Variants in IPO11 observed in about 807,000 individuals in gnomAD.
IPO11 encodes the protein importin 11.
In IPO11, 66 loss-of-function variants were observed where a neutral mutation model predicts 143.2. That is an observed-to-expected ratio of 0.46 (90% confidence interval 0.38 to 0.57). The LOEUF is 0.57. Ranked by LOEUF, IPO11 falls within the 20% of genes least tolerant of loss-of-function variation. The pLI, the probability that IPO11 is intolerant of heterozygous loss-of-function variation, is 0.00. For missense variants in IPO11, 1,026 were observed against 1,141.0 expected, an observed-to-expected ratio of 0.90 and a Z score of 1.45; for synonymous variants, 385 against 377.8, an observed-to-expected ratio of 1.02 and a Z score of -0.22.
chr5:62,454,155 A>C (rs1258939537), intron 5 of IPO11, among the ~76,000 whole-genome samples: 1 of 151,592 alleles, frequency 6.6e-6, no homozygotes, highest in Non-Finnish European at 1.5e-5. Flanking sequence ...TAAATAAATA[A>C]ATAGCCAGTC....
At chr5:62,622,754 C>G (rs1378477090) in intron 29 of IPO11, among the ~76,000 whole-genome samples, 3 of 152,120 alleles carry the variant, frequency 2.0e-5, no homozygotes, top group East Asian at 3.8e-4. Context: ...GTCAGGAAAC[C>G]TAGCTTACAA....
intron 27 of IPO11, among the ~76,000 whole-genome samples, chr5:62,587,226 G>A (rs1744828790): frequency 6.6e-6 from 1 of 152,020 alleles, no homozygotes; most frequent in South Asian, 2.1e-4. Flanking sequence ...AGGTAAGCAG[G>A]GGAATGGTTT....
chr5:62,416,088 T>C (rs1743285041), intron 1 of IPO11, among the ~76,000 whole-genome samples: 1 of 152,142 alleles, frequency 6.6e-6, no homozygotes, highest in Non-Finnish European at 1.5e-5. Flanking sequence ...ATCCTTGGCT[T>C]GCAGATGGCC....
intron 2 of IPO11, among the ~76,000 whole-genome samples, chr5:62,440,438 T>G (rs931170427): frequency 2.6e-5 from 4 of 151,004 alleles, no homozygotes; most frequent in African/African-American, 9.7e-5. Flanking sequence ...CACTGCAACT[T>G]CTGCCTCCTG....
chr5:62,558,886 A>G (rs1168664512), intron 26 of IPO11, among the ~76,000 whole-genome samples: 1 of 152,230 alleles, frequency 6.6e-6, no homozygotes, highest in African/African-American at 2.4e-5. Flanking sequence ...CCAGACTACC[A>G]CAATAAAGTG....
chr5:62,450,728 T>G (rs2112159912), intron 4 of IPO11, among the ~76,000 whole-genome samples: 1 of 152,200 alleles, frequency 6.6e-6, no homozygotes, highest in Middle Eastern at 3.4e-3. Flanking sequence ...CCATCACATT[T>G]TCAATTCCTA....
chr5:62,492,808 A>G (rs1746666533), intron 15 of IPO11, among the ~76,000 whole-genome samples: 1 of 152,124 alleles, frequency 6.6e-6, no homozygotes, highest in South Asian at 2.1e-4. Flanking sequence ...AAATGCTGGG[A>G]TTACAGGTGT....
At chr5:62,507,233 C>G (rs1004796867) in intron 19 of IPO11, among the ~76,000 whole-genome samples, 2 of 152,152 alleles carry the variant, frequency 1.3e-5, no homozygotes, top group Non-Finnish European at 2.9e-5. Flanking sequence ...TTTAATGGCA[C>G]TGCCAGTACT....
At chr5:62,419,000 AT>A (rs1167383580) in intron 1 of IPO11, 2 of 1,548,914 alleles carry the variant, frequency 1.3e-6, no homozygotes, top group Non-Finnish European at 1.7e-6. Context: ...TGAACATCAT[AT>A]GAACAAACCT....
intron 24 of IPO11, among the ~76,000 whole-genome samples, chr5:62,546,709 TTAGTAA>T (rs1365903865): frequency 3.3e-5 from 5 of 152,120 alleles, no homozygotes; most frequent in Non-Finnish European, 2.9e-5. Flanking sequence ...CAAAAAACAA[TTAGTAA>T]TAGGTAATTG....
chr5:62,506,153 G>T (rs781346304), intron 18 of IPO11, 88 bp from the exon 19 acceptor site: 9 of 647,010 alleles, frequency 1.4e-5, no homozygotes, highest in African/African-American at 3.6e-5. Flanking sequence ...TTGACATTAT[G>T]ATTTATTTCT....
At chr5:62,444,743 C>T (rs1744653988) in intron 3 of IPO11, among the ~76,000 whole-genome samples, 1 of 151,906 alleles carries the variant, frequency 6.6e-6, no homozygotes, top group Admixed American at 6.6e-5. Context: ...GTGGCGGATG[C>T]CTGTAATCCC....
At chr5:62,593,045 A>G (rs1202423870) in intron 28 of IPO11, among the ~76,000 whole-genome samples, 5 of 152,224 alleles carry the variant, frequency 3.3e-5, no homozygotes, top group African/African-American at 1.2e-4. Flanking sequence ...TCTTTGGAGT[A>G]TACAGTTTAG....
At chr5:62,486,529 C>T (rs1167217605) in intron 12 of IPO11, among the ~76,000 whole-genome samples, 3 of 152,070 alleles carry the variant, frequency 2.0e-5, no homozygotes, top group Non-Finnish European at 2.9e-5. Flanking sequence ...ACTTTTACAA[C>T]GCATTTATTA....
chr5:62,551,019 G>GTACA (rs1554054856), intron 25 of IPO11, among the ~76,000 whole-genome samples: 3 of 144,334 alleles, frequency 2.1e-5, no homozygotes, highest in Non-Finnish European at 4.5e-5. Context: ...TCTCTTTATT[G>GTACA]TATATATATA....
intron 22 of IPO11, among the ~76,000 whole-genome samples, chr5:62,534,739 C>T (rs927839957): frequency 6.6e-5 from 10 of 152,080 alleles, no homozygotes; most frequent in African/African-American, 2.2e-4. Flanking sequence ...GTATCCTCAG[C>T]TTCTACCTAC....
chr5:62,601,776 G>A lies in IPO11; in HGVS notation c.2691G>A (p.Met897Ile). 4 of 1,577,918 alleles carry A rather than the reference G, an allele frequency of 2.5e-6. No individual in the cohort carries two copies. Among genetic ancestry groups the A allele is most frequent in the Non-Finnish European group, 3.4e-6 (4 of 1,160,210 alleles). The change falls in exon 29 of 30, where the codon ATG becomes ATA. Residue 897 changes from methionine (M) to isoleucine (I), a missense_variant. This residue lies in a region of IPO11 where 351 missense variants were observed against 358.9 expected (regional missense o/e 0.98). Coordinates refer to ENST00000325324, the MANE Select transcript of IPO11 (RefSeq NM_016338.5). ...ETGTYKDCML[M>I]SHLEEPKVTE... ...AAAATTATTATAGCTGTATGTTGAT[G>A]TCTCATCTTGAGGAACCAAAAGTAA...
chr5:62,581,954 C>T (rs916933962), intron 27 of IPO11, among the ~76,000 whole-genome samples: 1 of 152,098 alleles, frequency 6.6e-6, no homozygotes, highest in African/African-American at 2.4e-5. Context: ...AGCTGAGTAA[C>T]ATCGTGTCAG....
Position 62,579,726 on chromosome 5 carries a change from T to G in IPO11, c.2583-11851T>G. ...CATTGTATTTGGATAATTCTAACAT[T>G]CTGTATGTATATCCAAAAGCCTTTG... On this transcript the variant is annotated intron_variant, in intron 27 of 29. Transcript: ENST00000325324. The G allele has an allele frequency of 1.9e-6, 3 of 1,548,130 alleles. No homozygotes were observed. Among genetic ancestry groups the G allele is most frequent in the Non-Finnish European group, 2.6e-6 (3 of 1,145,296 alleles).
Sources: gnomAD v4.1 joint callset for allele counts (sites outside exome capture counted in the v4.1 genomes callset) on GRCh38, gnomAD v4.1.1 for gene constraint, gnomAD v4.1.1 regional missense constraint, MANE v1.5 for transcripts, NCBI Gene and HGNC (gene_info 2026-07-23, HGNC 2026-07-21) for gene names.